The following SEC23IP variants were observed in gnomAD, a reference collection of about 807,000 sequenced individuals.
SEC23IP encodes the protein SEC23 interacting protein.
Under a neutral mutation model 113.4 loss-of-function variants are expected in SEC23IP, and 70 were observed. The ratio of observed to expected loss-of-function variants is 0.62; its 90% CI spans 0.51 to 0.75. SEC23IP has a LOEUF of 0.75. Ranked by LOEUF, SEC23IP falls within the 30% of genes least tolerant of loss-of-function variation. The pLI, the probability that SEC23IP is intolerant of heterozygous loss-of-function variation, is 0.00. For synonymous variants in SEC23IP, 398 were observed against 421.0 expected (o/e 0.95, Z 0.67); for missense variants, 1,160 against 1,204.9 (o/e 0.96, Z 0.55).
At chr10:119,926,360 A>G in intron 13 of SEC23IP, 133 bp downstream of exon 13, 3 of 962,224 alleles carry the variant, frequency 3.1e-6, no homozygotes, top group Non-Finnish European at 4.5e-6. Context: ...ATTTTCTCTT[A>G]GTGAAAATTT....
intron 2 of SEC23IP, among the ~76,000 whole-genome samples, chr10:119,899,437 A>G (rs2134453490): frequency 6.6e-6 from 1 of 152,354 alleles, no homozygotes; most frequent in South Asian, 2.1e-4. Flanking sequence ...TAACGTATGC[A>G]TTGGGTAAAT....
At position 119,932,187 on chromosome 10, in the gene SEC23IP, G is replaced by T. The variant is rs1428764543; in HGVS notation, c.2627G>T (p.Ser876Ile). Residue 876 changes from serine (S) to isoleucine (I), a missense_variant, in exon 16 of 19, where the codon AGC becomes ATC. Physicochemically the swap from Ser to Ile is moderately radical, Grantham distance 142 (BLOSUM62 -2). Transcript: ENST00000369075. Reference sequence around the variant, plus strand: ...TCTGATTTGAAGCAGGGTTTTATTAGCTCTCTCAAAAGTGCTTGGCAGACA... The same window carrying T: ...TCTGATTTGAAGCAGGGTTTTATTATCTCTCTCAAAAGTGCTTGGCAGACA... The part of the protein sequence containing the change: ...MGSDLKQGFI[S>I]SLKSAWQTLN... 8 of 1,612,844 alleles carry T rather than the reference G, an allele frequency of 5.0e-6. No homozygotes were observed. The South Asian group carries it at 7.7e-5, about 16-fold the overall frequency.
In SEC23IP at chr10:119,902,793, C is replaced by T. The variant is rs763916001; in HGVS notation, c.697-6C>T. The T allele has an allele frequency of 2.5e-6, 4 of 1,613,336 alleles. No individual in the cohort carries two copies. The South Asian group carries it at 4.4e-5, about 18-fold the overall frequency. ...ATGACAGTCTTAACTTTGCCGTCCCCTCCAGGTTCCTTCTTCAGTGCAGTC... is the reference window on the plus strand; with the variant it reads ...ATGACAGTCTTAACTTTGCCGTCCCTTCCAGGTTCCTTCTTCAGTGCAGTC... On this transcript the variant is annotated splice_region_variant and splice_polypyrimidine_tract_variant and intron_variant, in intron 2 of 18. Transcript: ENST00000369075.
intron 5 of SEC23IP, among the ~76,000 whole-genome samples, chr10:119,911,484 G>GT (rs35892071): frequency 5.9e-4 from 89 of 150,390 alleles, no homozygotes; most frequent in Non-Finnish European, 1.1e-3. Flanking sequence ...TTTTTGTTTA[G>GT]TTTTTTTTTG....
At chr10:119,927,427 G>T (rs1171217231) in intron 13 of SEC23IP, among the ~76,000 whole-genome samples, 2 of 152,178 alleles carry the variant, frequency 1.3e-5, no homozygotes, top group Non-Finnish European at 2.9e-5. Context: ...CTGAAACTTG[G>T]AGGGGAATCC....
chr10:119,922,563 G>A (rs577102281), intron 12 of SEC23IP, among the ~76,000 whole-genome samples: 1 of 152,286 alleles, frequency 6.6e-6, no homozygotes, highest in South Asian at 2.1e-4. Context: ...GATGAAGTTG[G>A]AAAGGCGTGA....
At chr10:119,914,595 G>C (rs1854983940) in intron 6 of SEC23IP, 135 bp from the exon 7 acceptor site, 1 of 714,002 alleles carries the variant, frequency 1.4e-6, no homozygotes, top group African/African-American at 1.8e-5. Flanking sequence ...GGGGTAATGA[G>C]GCTTATTCTC....
intron 6 of SEC23IP, chr10:119,914,351 G>A (rs939188107): frequency 1.8e-5 from 4 of 218,178 alleles, no homozygotes; most frequent in South Asian, 1.6e-4. Context: ...TCAATAAAAT[G>A]TATGTTTCTT....
intron 11 of SEC23IP, among the ~76,000 whole-genome samples, chr10:119,919,809 T>C (rs1564917803): frequency 3.3e-5 from 5 of 152,082 alleles, no homozygotes; most frequent in Admixed American, 1.3e-4. Context: ...AAGAAAAAAA[T>C]TGTATAACAG....
At chr10:119,929,289 G>A (rs1262453099) in intron 13 of SEC23IP, among the ~76,000 whole-genome samples, 1 of 151,818 alleles carries the variant, frequency 6.6e-6, no homozygotes, top group African/African-American at 2.4e-5. Context: ...GCTGGAGTGC[G>A]GTGGTGTGAT....
chr10:119,893,112 G>A (rs929317067), intron 1 of SEC23IP, among the ~76,000 whole-genome samples, 167 bp downstream of exon 1: 1 of 152,142 alleles, frequency 6.6e-6, no homozygotes. Context: ...GGATCTTGGA[G>A]GTGGCAGGTG....
At chr10:119,934,530 TG>T (rs1238282891) in intron 18 of SEC23IP, among the ~76,000 whole-genome samples, 1 of 152,254 alleles carries the variant, frequency 6.6e-6, no homozygotes, top group Non-Finnish European at 1.5e-5. Flanking sequence ...ACTGTCCTCC[TG>T]AGACACCAGA....
chr10:119,909,730 A>G (rs1368533002), intron 5 of SEC23IP, among the ~76,000 whole-genome samples: 2 of 152,074 alleles, frequency 1.3e-5, no homozygotes, highest in African/African-American at 2.4e-5. Context: ...CTCTGTCTCT[A>G]CAAAAATTAA....
rs761196215 is a variant in SEC23IP, at chr10:119,926,042, G to C, written c.2128G>C (p.Ala710Pro). 1.9e-6 allele frequency: 3 copies of C among 1,609,034 alleles called. No individual in the cohort carries two copies. Among genetic ancestry groups the C allele is most frequent in the Non-Finnish European group, 1.7e-6 (2 of 1,178,150 alleles). ...AAATTTTGGTATTTTACAGAAAAAA[G>C]CAGCGTCAGAAAAGAAGGCAGTGGC... Reference protein sequence around the residue: ...VEHKAAKLKKAASEKKAVAAT... With the variant: ...VEHKAAKLKKPASEKKAVAAT... The change falls in exon 13 of 19, where the codon GCA (alanine) becomes CCA (proline). Residue 710 changes from alanine to proline, a missense_variant. Coordinates refer to ENST00000369075, the MANE Select transcript of SEC23IP (RefSeq NM_007190.4).
At position 119,892,832 on chromosome 10, in the gene SEC23IP, C is replaced by T. The variant is rs1337377203; in HGVS notation, c.50C>T (p.Ser17Leu). The change falls in exon 1 of 19, where the codon TCA (serine) becomes TTA (leucine). Residue 17 changes from serine (S) to leucine (L), a missense_variant. Transcript: ENST00000369075. Reference sequence around the variant, plus strand: ...GGCAGCGGCGGCGCCTCCACTTCCTCATCGGGCACTAACTTACTTTTCTCC... The same window carrying T: ...GGCAGCGGCGGCGCCTCCACTTCCTTATCGGGCACTAACTTACTTTTCTCC... ...NGGSGGASTS[S>L]SGTNLLFSSS... is the part of the protein sequence containing the mutation. 1.9e-6 allele frequency: 3 copies of T among 1,613,698 alleles called. No homozygotes were observed. Among genetic ancestry groups the T allele is most frequent in the South Asian group, 2.2e-5 (2 of 90,974 alleles).
At chr10:119,911,452 T>C (rs2475297) in intron 5 of SEC23IP, among the ~76,000 whole-genome samples, 49,853 of 151,676 alleles carry the variant, frequency 0.33, 8,615 homozygotes, top group East Asian at 0.55. Context: ...TGTGTAAACC[T>C]GGAGTTTTAT....
intron 8 of SEC23IP, among the ~76,000 whole-genome samples, chr10:119,917,173 A>G (rs1467085807): frequency 6.6e-6 from 1 of 151,984 alleles, no homozygotes; most frequent in Non-Finnish European, 1.5e-5. Flanking sequence ...GTGGCAGCAC[A>G]AATTTTTTTG....
At chr10:119,929,563 G>A (rs747979615) in intron 13 of SEC23IP, 44 bp from the exon 14 acceptor site, 9 of 1,546,486 alleles carry the variant, frequency 5.8e-6, no homozygotes, top group Non-Finnish European at 8.0e-6. Context: ...TCTACTAGGT[G>A]ACATTGGAAC....
chr10:119,927,122 T>C (rs1855448175), intron 13 of SEC23IP, among the ~76,000 whole-genome samples: 1 of 152,162 alleles, frequency 6.6e-6, no homozygotes, highest in South Asian at 2.1e-4. Flanking sequence ...AGCCTCGAAC[T>C]CCTGGCCTCA....
Sources: gnomAD v4.1 joint callset for allele counts (sites outside exome capture counted in the v4.1 genomes callset) on GRCh38, gnomAD v4.1.1 for gene constraint, MANE v1.5 for transcripts, NCBI Gene and HGNC (gene_info 2026-07-23, HGNC 2026-07-21) for gene names.